PPFIA4: variants seen among roughly 807,000 people sequenced by gnomAD.
The protein encoded by PPFIA4 is PPFI scaffold protein A4, also known as liprin-alpha-4.
Under a neutral mutation model 145.7 loss-of-function variants are expected in PPFIA4, and 98 were observed. That is an observed-to-expected ratio of 0.67 (90% CI 0.57 to 0.80). The LOEUF is 0.80. Among genes scored for constraint, PPFIA4 ranks in the 30% least tolerant of loss-of-function variants. The probability of loss-of-function intolerance (pLI) is 0.00; values close to 1 mark genes in which losing one functional copy is unlikely to be tolerated. For missense variants in PPFIA4, 1,457 were observed against 1,632.7 expected (o/e 0.89, Z 1.85); for synonymous variants, 628 against 649.6 (o/e 0.97, Z 0.51).
At chr1:203,049,065 C>A in intron 12 of PPFIA4, 85 bp downstream of exon 12, 1 of 1,281,526 alleles carries the variant, frequency 7.8e-7, no homozygotes, top group Non-Finnish European at 1.1e-6. Flanking sequence ...CGCTGCTGCT[C>A]TGATACCTGG....
At chr1:203,027,365 G>T (rs1658481184) in intron 1 of PPFIA4, among the ~76,000 whole-genome samples, 1 of 152,228 alleles carries the variant, frequency 6.6e-6, no homozygotes, top group South Asian at 2.1e-4. Flanking sequence ...GGTGGGAAGA[G>T]AGAGGTCGGG....
intron 4 of PPFIA4, 38 bp downstream of exon 4, chr1:203,044,133 C>G (rs1334294526): frequency 6.5e-7 from 1 of 1,542,310 alleles, no homozygotes; most frequent in East Asian, 2.3e-5. Flanking sequence ...TCCAGCCAGG[C>G]TGCCCTGGAG....
rs1260407195 is a variant in PPFIA4, at chr1:203,055,998, C to T, written c.2071-122C>T. ...TTTTTTTTTTCTGGCGTGATATTCT[C>T]TCCGGGCCTGTGTGAGGCACTGAAT... is the stretch of plus-strand genomic sequence containing the variant. On this transcript the variant is annotated intron_variant, in intron 16 of 29. Transcript: ENST00000295706. The surrounding 1 kb of genome is among the most constrained non-coding windows in gnomAD (Gnocchi z 4.8). The T allele has an allele frequency of 8.4e-6, 8 of 950,494 alleles. No homozygotes were observed. The African/African-American group carries it at 1.0e-4, about 12-fold the overall frequency. The allele number at this position is 950,494 out of a possible 1,614,324, so 58.9% of individuals were successfully genotyped here.
Position 203,056,862 on chromosome 1 carries a change from G to C in PPFIA4, c.2319G>C (p.Lys773Asn). ...QDSLHKGAKR[K>N]GIKSSIGRLF... ...CCCTGCACAAGGGCGCCAAGCGCAA[G>C]GGCATCAAGTCGTCCATTGGCCGCC... Residue 773 changes from lysine (K) to asparagine (N), a missense_variant, in exon 19 of 30, where the codon AAG becomes AAC. This residue lies in a region of PPFIA4 where 848 missense variants were observed against 1,046.7 expected (regional missense o/e 0.81). Transcript: ENST00000295706. The C allele has an allele frequency of 6.2e-7, 1 of 1,614,120 alleles. No individual in the cohort carries two copies. Among genetic ancestry groups the C allele is most frequent in the Non-Finnish European group, 8.5e-7 (1 of 1,179,922 alleles).
intron 27 of PPFIA4, among the ~76,000 whole-genome samples, chr1:203,070,487 C>T (rs968521593): frequency 2.1e-5 from 3 of 143,516 alleles, no homozygotes; most frequent in South Asian, 2.3e-4. Flanking sequence ...GAGGCTGAGG[C>T]GGGAGTTTTG....
Position 203,068,261 on chromosome 1 carries a change from G to T in PPFIA4, c.3149-192G>T, listed in dbSNP as rs1010941665. Among the ~76,000 whole-genome samples, 8 of 152,186 alleles carry T rather than the reference G, an allele frequency of 5.3e-5. No homozygotes were observed. The highest frequency in any genetic ancestry group is 1.0e-4 in the Non-Finnish European group (7 of 68,018). ...GTAAACTGGCAGGGATGGAGTGAGTGGGGGGTTGGTTCCCCAGGCACCCAG... is the reference window on the plus strand; with the variant it reads ...GTAAACTGGCAGGGATGGAGTGAGTTGGGGGTTGGTTCCCCAGGCACCCAG... On this transcript the variant is annotated intron_variant, in intron 26 of 29. Coordinates refer to ENST00000295706, the MANE Select transcript of PPFIA4 (RefSeq NM_001304331.2). This position sits in a 1 kb window ranked among gnomAD's most constrained non-coding sequence, Gnocchi z 4.7.
chr1:203,033,934 T>C (rs957849803), intron 1 of PPFIA4, among the ~76,000 whole-genome samples: 3 of 152,192 alleles, frequency 2.0e-5, no homozygotes, highest in African/African-American at 7.2e-5. Flanking sequence ...AGTCCTGTTT[T>C]GGAGTTCCCC....
chr1:203,046,384 C>G lies in PPFIA4; in HGVS notation c.1140+2C>G, dbSNP rs747918586. The G allele has an allele frequency of 6.3e-7, 1 of 1,583,564 alleles. No homozygotes were observed. The highest frequency in any genetic ancestry group is 1.2e-5 in the South Asian group (1 of 86,512). On this transcript the variant is annotated splice_donor_variant, in intron 9 of 29. Coordinates refer to ENST00000295706, the MANE Select transcript of PPFIA4 (RefSeq NM_001304331.2). LOFTEE classifies it high-confidence loss of function. ...CAGAGAATTGCAGCCCTCACCAAGGCAAGTGGGCCAGGGGCCTGGGATCTG... is the reference window on the plus strand; with the variant it reads ...CAGAGAATTGCAGCCCTCACCAAGGGAAGTGGGCCAGGGGCCTGGGATCTG...
At position 203,061,020 on chromosome 1, in the gene PPFIA4, A is replaced by T; in HGVS notation, c.2835A>T (p.Thr945=). The T allele has an allele frequency of 6.2e-7, 1 of 1,614,018 alleles. No homozygotes were observed. The highest frequency in any genetic ancestry group is 1.1e-5 in the South Asian group (1 of 91,088). The change falls in exon 23 of 30, where the codon ACA becomes ACT. Residue 945 remains threonine (T), a synonymous_variant. Transcript: ENST00000295706. ...ATGAAGAGATGGAAACTCTGGAAAC[A>T]TCTACTAAAACAGTGAGTCTGGCCC... ...VTHEEMETLE[T]STKTDSEEGS...
At chr1:203,052,048 C>T (rs565812070) in intron 14 of PPFIA4, among the ~76,000 whole-genome samples, 171 bp downstream of exon 14, 1 of 136,278 alleles carries the variant, frequency 7.3e-6, no homozygotes, top group Non-Finnish European at 1.6e-5. Flanking sequence ...CAGCTGTGCC[C>T]CCCCCCCCGC....
Position 203,048,203 on chromosome 1 carries a change from G to A in PPFIA4, c.1141-24G>A. ...CAGGAAGAACAGAGATCTGCGGGCTGCACCGACCCATCCCTGCCCCTAGGC... is the reference window on the plus strand; with the variant it reads ...CAGGAAGAACAGAGATCTGCGGGCTACACCGACCCATCCCTGCCCCTAGGC... On this transcript the variant is annotated intron_variant, in intron 9 of 29. Coordinates refer to ENST00000295706, the MANE Select transcript of PPFIA4 (RefSeq NM_001304331.2). This position sits in a 1 kb window ranked among gnomAD's most constrained non-coding sequence, Gnocchi z 5.8. The A allele has an allele frequency of 6.2e-7, 1 of 1,610,070 alleles. No homozygotes were observed. Among genetic ancestry groups the A allele is most frequent in the Non-Finnish European group, 8.5e-7 (1 of 1,177,896 alleles).
intron 13 of PPFIA4, chr1:203,051,303 A>G: frequency 1.0e-6 from 1 of 987,156 alleles, no homozygotes. Flanking sequence ...GACCCGAGGA[A>G]AAGTGCTGGG....
Position 203,075,651 on chromosome 1 carries a change from C to T in PPFIA4, c.3468C>T (p.Gly1156=), listed in dbSNP as rs2102702980. ...RFRPREHHGR[G]GMLSASAETL... Reference sequence around the variant, plus strand: ...GGCCGCGGGAGCACCACGGTCGCGGCGGCATGCTCAGCGCTTCCGCGGAGA... The same window carrying T: ...GGCCGCGGGAGCACCACGGTCGCGGTGGCATGCTCAGCGCTTCCGCGGAGA... Residue 1156 remains glycine (G), a synonymous_variant, in exon 29 of 30, where the codon GGC becomes GGT. Coordinates refer to ENST00000295706, the MANE Select transcript of PPFIA4 (RefSeq NM_001304331.2). The surrounding 1 kb of genome is among the most constrained non-coding windows in gnomAD (Gnocchi z 4.1). 2.0e-6 allele frequency: 3 copies of T among 1,505,272 alleles called. No homozygotes were observed. Among genetic ancestry groups the T allele is most frequent in the East Asian group, 5.4e-5 (2 of 37,070 alleles). The allele number at this position is 1,505,272 out of a possible 1,614,324, so 93.2% of individuals were successfully genotyped here.
rs140274376 is a variant in PPFIA4 at position 203,064,747 on chromosome 1, C to A, written c.3050+744C>A. ...CACATTCTAGCATGGAAGCAACCAG[C>A]TGGAGCTGAAGAGTGGAGTCCACTC... is the stretch of plus-strand genomic sequence containing the variant. On this transcript the variant is annotated intron_variant, in intron 25 of 29. Transcript: ENST00000295706. Among the ~76,000 whole-genome samples the A allele has an allele frequency of 9.8e-5, 15 of 152,354 alleles. No individual in the cohort carries two copies. In the East Asian group the frequency reaches 2.9e-3, roughly 29 times the overall value.
At chr1:203,051,673 G>A in intron 13 of PPFIA4, 96 bp from the exon 14 acceptor site, 1 of 1,509,552 alleles carries the variant, frequency 6.6e-7, no homozygotes, top group Non-Finnish European at 8.9e-7. Flanking sequence ...TCTCTTCTCT[G>A]AGCTGAAGAT....
chr1:203,067,376 T>G (rs1334488915), intron 25 of PPFIA4: 2 of 308,924 alleles, frequency 6.5e-6, no homozygotes, highest in Non-Finnish European at 1.2e-5. Context: ...CACTTGCAGG[T>G]GGTAGGGGTC....
intron 1 of PPFIA4, among the ~76,000 whole-genome samples, chr1:203,036,380 A>C (rs550238817): frequency 1.3e-5 from 2 of 152,238 alleles, no homozygotes; most frequent in East Asian, 3.9e-4. Flanking sequence ...TTCTTCCTTT[A>C]TGCTATGCTA....
chr1:203,071,371 C>T (rs1662147443), intron 27 of PPFIA4, among the ~76,000 whole-genome samples: 1 of 151,094 alleles, frequency 6.6e-6, no homozygotes, highest in Non-Finnish European at 1.5e-5. Context: ...CGGGGTTTCA[C>T]TGTGTTAGTC....
intron 25 of PPFIA4, among the ~76,000 whole-genome samples, chr1:203,065,102 C>T (rs2102682058): frequency 6.6e-6 from 1 of 152,252 alleles, no homozygotes; most frequent in South Asian, 2.1e-4. Context: ...GTTAGTGTCC[C>T]CATTTTATGG....
Sources: gnomAD v4.1 joint callset for allele counts (sites outside exome capture counted in the v4.1 genomes callset) on GRCh38, gnomAD v4.1.1 for gene constraint, gnomAD v4.1.1 regional missense constraint, Gnocchi (gnomAD v3.1) non-coding constraint, MANE v1.5 for transcripts, NCBI Gene and HGNC (gene_info 2026-07-23, HGNC 2026-07-21) for gene names.